Variants in DHRS12 observed in about 807,000 individuals in gnomAD.
The protein encoded by DHRS12 is dehydrogenase/reductase 12, also known as dehydrogenase/reductase SDR family member 12.
Under a neutral mutation model 32.1 loss-of-function variants are expected in DHRS12, and 29 were observed. That is an observed-to-expected ratio of 0.90 (90% CI 0.67 to 1.23). The LOEUF is 1.23. DHRS12 is among the 50% of genes most tolerant of loss of function. The probability of loss-of-function intolerance (pLI) is 0.00; values close to 1 mark genes in which losing one functional copy is unlikely to be tolerated. For synonymous variants in DHRS12, 150 were observed against 135.9 expected, an observed-to-expected ratio of 1.10 and a Z score of -0.72; for missense variants, 330 against 337.2, an observed-to-expected ratio of 0.98 and a Z score of 0.17.
intron 1 of DHRS12, among the ~76,000 whole-genome samples, chr13:51,800,429 T>C (rs915383352): frequency 3.9e-5 from 6 of 152,220 alleles, no homozygotes; most frequent in African/African-American, 1.2e-4. Flanking sequence ...GGCTATGAAA[T>C]TGGCTAAGGG....
intron 4 of DHRS12, among the ~76,000 whole-genome samples, chr13:51,779,369 CAACA>C (rs1000048560): frequency 1.1e-4 from 17 of 152,204 alleles, no homozygotes; most frequent in African/African-American, 4.1e-4. Flanking sequence ...TTTATAACAA[CAACA>C]AACAAAGCAA....
At chr13:51,758,239 A>C in the DHRS12 span, 1 of 1,600,462 alleles carries the variant, frequency 6.2e-7, no homozygotes, top group Non-Finnish European at 8.6e-7. Context: ...AACATTGTGC[A>C]TGTGCATTTC....
chr13:51,758,027 T>TA, the DHRS12 span, among the ~76,000 whole-genome samples: 7 of 151,272 alleles, frequency 4.6e-5, no homozygotes, highest in Non-Finnish European at 8.9e-5. Context: ...ATTTTTTTTT[T>TA]ATCATAACTG....
intron 2 of DHRS12, among the ~76,000 whole-genome samples, chr13:51,794,351 A>C (rs1955415725): frequency 6.6e-6 from 1 of 152,362 alleles, no homozygotes; most frequent in Admixed American, 6.5e-5. Flanking sequence ...AGCAGTTCCC[A>C]CAATGAGCAC....
intron 3 of DHRS12, among the ~76,000 whole-genome samples, chr13:51,790,874 G>A (rs1955234435): frequency 1.3e-5 from 2 of 152,118 alleles, no homozygotes; most frequent in Non-Finnish European, 2.9e-5. Context: ...CAAATCTACA[G>A]AATTGAGAAA....
At chr13:51,785,391 C>T (rs1465795999) in intron 4 of DHRS12, among the ~76,000 whole-genome samples, 2 of 150,956 alleles carry the variant, frequency 1.3e-5, no homozygotes, top group Admixed American at 6.6e-5. Flanking sequence ...AATATTCATT[C>T]TCTCCTCGCC....
chr13:51,768,705 A>T, intron 8 of DHRS12: 1 of 1,127,060 alleles, frequency 8.9e-7, no homozygotes, highest in African/African-American at 1.6e-5. Flanking sequence ...GCGTCCACTC[A>T]CACGCCTGCC....
chr13:51,794,736 T>C (rs1955433641), intron 2 of DHRS12, among the ~76,000 whole-genome samples: 1 of 151,082 alleles, frequency 6.6e-6, no homozygotes, highest in East Asian at 1.9e-4. Flanking sequence ...ATCTCAAAAA[T>C]AGCCTATCTC....
chr13:51,767,415 C>G (rs562286950), downstream of DHRS12: 1 of 152,322 alleles, frequency 6.6e-6, no homozygotes, highest in East Asian at 1.9e-4. Context: ...TGATGATGAG[C>G]CCTGGATCAG....
chr13:51,781,487 C>T (rs959558286), intron 4 of DHRS12, among the ~76,000 whole-genome samples: 4 of 152,182 alleles, frequency 2.6e-5, no homozygotes, highest in African/African-American at 7.2e-5. Context: ...CATGTTACTA[C>T]GTGACTAACC....
chr13:51,769,084 G>T, intron 8 of DHRS12, 72 bp downstream of exon 8: 1 of 1,544,282 alleles, frequency 6.5e-7, no homozygotes, highest in Non-Finnish European at 8.7e-7. Context: ...CGGAGGGGAA[G>T]GTGCGCCTCG....
chr13:51,803,208 G>T (rs1162484769), intron 1 of DHRS12, among the ~76,000 whole-genome samples: 1 of 152,182 alleles, frequency 6.6e-6, no homozygotes, highest in African/African-American at 2.4e-5. Context: ...CCAGGTTGCC[G>T]TGGGAACTGA....
chr13:51,771,495 T>A, intron 7 of DHRS12: 1 of 1,614,090 alleles, frequency 6.2e-7, no homozygotes, highest in Non-Finnish European at 8.5e-7. Context: ...CTCATTCCTG[T>A]CTGACGTGGA....
intron 4 of DHRS12, among the ~76,000 whole-genome samples, chr13:51,781,137 G>T (rs1307077547): frequency 6.6e-6 from 1 of 152,094 alleles, no homozygotes; most frequent in Non-Finnish European, 1.5e-5. Flanking sequence ...GAGCCTGGGG[G>T]GCTCACACAC....
At position 51,768,052 on chromosome 13, in the gene DHRS12, C is replaced by A; in HGVS notation, c.*135G>T. 1 of 1,442,444 alleles carries A rather than the reference C, an allele frequency of 6.9e-7. No individual in the cohort carries two copies. Among genetic ancestry groups the A allele is most frequent in the Non-Finnish European group, 9.1e-7 (1 of 1,101,928 alleles). 89.4% of individuals were successfully genotyped at this position (1,442,444 alleles called of 1,614,324 possible). A position where few individuals can be genotyped will look rare whatever the true frequency, so the allele number is the denominator to read the frequency against. On this transcript the variant is annotated 3_prime_UTR_variant, in exon 9 of 9. Coordinates refer to ENST00000444610, the MANE Select transcript of DHRS12 (RefSeq NM_001377533.1). ...TTATTTTGAAATAAAAGTTCCCATC[C>A]CTTGTAGGCCTCGCTGTGAGGCACA...
At chr13:51,785,114 G>A (rs1954892708) in intron 4 of DHRS12, among the ~76,000 whole-genome samples, 1 of 152,088 alleles carries the variant, frequency 6.6e-6, no homozygotes, top group Non-Finnish European at 1.5e-5. Flanking sequence ...TGTAATCCCA[G>A]CTACTCAGGA....
the DHRS12 span, among the ~76,000 whole-genome samples, chr13:51,759,239 G>A: frequency 1.3e-5 from 2 of 152,168 alleles, no homozygotes; most frequent in Non-Finnish European, 2.9e-5. Flanking sequence ...CTTTATTTTT[G>A]AAAACGAGGT....
At chr13:51,801,046 A>G (rs1955731014) in intron 1 of DHRS12, among the ~76,000 whole-genome samples, 1 of 152,176 alleles carries the variant, frequency 6.6e-6, no homozygotes, top group Admixed American at 6.5e-5. Flanking sequence ...TTGTGTGTTG[A>G]TTTAACCTTT....
At chr13:51,769,444 A>C (rs1953912575) in intron 7 of DHRS12, 151 bp from the exon 8 acceptor site, 1 of 685,224 alleles carries the variant, frequency 1.5e-6, no homozygotes, top group Admixed American at 3.6e-5. Flanking sequence ...AGCCACTCGG[A>C]ACCAGTTCCA....
Sources: allele counts gnomAD v4.1 joint callset (sites outside exome capture counted in the v4.1 genomes callset), GRCh38; gene constraint gnomAD v4.1.1; transcripts MANE v1.5; gene names NCBI Gene and HGNC (gene_info 2026-07-23, HGNC 2026-07-21).